Variants in RBM22 observed in about 807,000 individuals in gnomAD.
The protein encoded by RBM22 is pre-mRNA-splicing factor RBM22.
A neutral mutation model predicts 50.1 loss-of-function variants in RBM22; 1 was observed. The ratio of observed to expected loss-of-function variants is 0.02; its 90% CI spans 0.01 to 0.09. The LOEUF (loss-of-function observed/expected upper bound fraction) is 0.09. Ranked by LOEUF, RBM22 falls within the 10% of genes least tolerant of loss-of-function variation. The pLI is 1.00. For missense variants in RBM22, 264 were observed against 529.3 expected (o/e 0.50, Z 4.92); for synonymous variants, 152 against 179.0 (o/e 0.85, Z 1.20).
intron 7 of RBM22, 159 bp from the exon 8 acceptor site, chr5:150,694,399 A>G: frequency 1.7e-6 from 2 of 1,157,824 alleles, no homozygotes; most frequent in South Asian, 4.1e-5. Context: ...ATCTTGTCCT[A>G]CTGTGGGTGC....
In RBM22 at chr5:150,693,433, A is replaced by G. The variant is rs894009646; in HGVS notation, c.912-126T>C. 2.1e-5 allele frequency: 15 copies of G among 722,892 alleles called. No homozygotes were observed. The African/African-American group carries it at 2.6e-4, about 13-fold the overall frequency. The allele number at this position is 722,892 out of a possible 1,614,324, so 44.8% of individuals were successfully genotyped here. ...CCTCCTCAGCACACACTCTTTTCCCATAAATGCCACTGTGCACAGTGAACA... is the reference window on the plus strand; with the variant it reads ...CCTCCTCAGCACACACTCTTTTCCCGTAAATGCCACTGTGCACAGTGAACA... On this transcript the variant is annotated intron_variant, in intron 8 of 10. Coordinates refer to ENST00000199814, the MANE Select transcript of RBM22 (RefSeq NM_018047.3).
At position 150,696,760 on chromosome 5, in the gene RBM22, T is replaced by C; in HGVS notation, c.372+31A>G. 1.2e-6 allele frequency: 2 copies of C among 1,613,662 alleles called. No homozygotes were observed. Among genetic ancestry groups the C allele is most frequent in the Non-Finnish European group, 1.7e-6 (2 of 1,179,580 alleles). On this transcript the variant is annotated intron_variant, in intron 5 of 10. Coordinates refer to ENST00000199814, the MANE Select transcript of RBM22 (RefSeq NM_018047.3). This position sits in a 1 kb window ranked among gnomAD's most constrained non-coding sequence, Gnocchi z 4.3. ...AATTATACAGACTGTGTCAATTCAT[T>C]AGGATTTTTATCCAAAAAGTGGCAG...
chr5:150,698,480 T>C lies in RBM22; in HGVS notation c.271+19A>G, dbSNP rs768593144. On this transcript the variant is annotated intron_variant, in intron 4 of 10. Transcript: ENST00000199814. The stretch of plus-strand genomic sequence containing the variant: ...AGGCACCTGCACACTTTCAGATTTA[T>C]TGGACAGGTCAAACATACCATACTC... 1.1e-5 allele frequency: 17 copies of C among 1,612,068 alleles called. No homozygotes were observed. Among genetic ancestry groups the C allele is most frequent in the East Asian group, 2.2e-5 (1 of 44,856 alleles).
At chr5:150,699,154 G>T in intron 3 of RBM22, 88 bp downstream of exon 3, 1 of 1,497,918 alleles carries the variant, frequency 6.7e-7, no homozygotes, top group South Asian at 1.3e-5. Flanking sequence ...TTTACTGGAA[G>T]ACCTCAAAAC....
chr5:150,698,637 A>G lies in RBM22; in HGVS notation c.139-6T>C. 3 of 1,613,826 alleles carry G rather than the reference A, an allele frequency of 1.9e-6. No homozygotes were observed. Among genetic ancestry groups the G allele is most frequent in the Non-Finnish European group, 2.5e-6 (3 of 1,179,994 alleles). On this transcript the variant is annotated splice_polypyrimidine_tract_variant and splice_region_variant and intron_variant, in intron 3 of 10. Transcript: ENST00000199814. ...GTGAATGGCCTGGCACAGATCTGGA[A>G]CACAAAGCAAGAGCCATAGAATGTC...
intron 1 of RBM22, 132 bp downstream of exon 1, chr5:150,700,800 C>G: frequency 1.3e-6 from 2 of 1,585,684 alleles, no homozygotes; most frequent in Non-Finnish European, 1.7e-6. Context: ...CCCTCCTGCT[C>G]CGGCCAAGCT....
At chr5:150,697,120 G>A (rs1304858315) in intron 4 of RBM22, among the ~76,000 whole-genome samples, 1 of 152,154 alleles carries the variant, frequency 6.6e-6, no homozygotes, top group East Asian at 1.9e-4. Flanking sequence ...TGAAATTAAT[G>A]CTTTAGAAAA....
chr5:150,698,022 A>G (rs1230246481), intron 4 of RBM22, among the ~76,000 whole-genome samples: 1 of 152,170 alleles, frequency 6.6e-6, no homozygotes, highest in African/African-American at 2.4e-5. Flanking sequence ...ACCAGGAGGC[A>G]GAGGCAAGAG....
In RBM22 at chr5:150,701,024, G is replaced by A. The variant is rs1759343921; in HGVS notation, c.-39C>T. ...GGAGGTAGCTGTAGCTTCCGAATTG[G>A]GAGAGAGGACCGCCACAATCCCGTC... On this transcript the variant is annotated 5_prime_UTR_variant, in exon 1 of 11. Coordinates refer to ENST00000199814, the MANE Select transcript of RBM22 (RefSeq NM_018047.3). 5.6e-6 allele frequency: 9 copies of A among 1,612,466 alleles called. No homozygotes were observed. The highest frequency in any genetic ancestry group is 6.8e-6 in the Non-Finnish European group (8 of 1,178,964).
chr5:150,700,689 C>T (rs1408208403), intron 1 of RBM22, 192 bp from the exon 2 acceptor site: 1 of 1,527,638 alleles, frequency 6.5e-7, no homozygotes. Context: ...GAAAAGAAAA[C>T]CAGCTCTAAT....
At chr5:150,700,687 A>T (rs1215066866) in intron 1 of RBM22, 190 bp from the exon 2 acceptor site, 2 of 1,527,254 alleles carry the variant, frequency 1.3e-6, no homozygotes, top group Admixed American at 2.0e-5. Flanking sequence ...GAGAAAAGAA[A>T]ACCAGCTCTA....
At chr5:150,695,351 C>G in intron 7 of RBM22, 155 bp downstream of exon 7, 2 of 686,932 alleles carry the variant, frequency 2.9e-6, no homozygotes, top group Non-Finnish European at 4.8e-6. Context: ...CCATAAAGGA[C>G]AATTTTACAA....
At chr5:150,693,824 T>C (rs1377833880) in intron 8 of RBM22, among the ~76,000 whole-genome samples, 1 of 152,238 alleles carries the variant, frequency 6.6e-6, no homozygotes, top group Non-Finnish European at 1.5e-5. Flanking sequence ...ACTTGGCCTA[T>C]AATAGCTAGT....
Position 150,696,682 on chromosome 5 carries a change from C to T in RBM22, c.396G>A (p.Arg132=). The change falls in exon 6 of 11, where the codon CGG becomes CGA. Residue 132 remains arginine (R), a synonymous_variant. Transcript: ENST00000199814. The surrounding 1 kb of genome is among the most constrained non-coding windows in gnomAD (Gnocchi z 4.3). ...EREISNSDGT[R]PVGMLGKATS... ...TGGCTTTCCCCAGCATGCCAACTGG[C>T]CGTGTTCCATCAGAGTTAGAAATCT... is the stretch of plus-strand genomic sequence containing the variant. The T allele has an allele frequency of 6.2e-7, 1 of 1,614,136 alleles. No individual in the cohort carries two copies. The highest frequency in any genetic ancestry group is 8.5e-7 in the Non-Finnish European group (1 of 1,180,022).
chr5:150,698,126 A>C (rs1291755658), intron 4 of RBM22, among the ~76,000 whole-genome samples: 1 of 152,162 alleles, frequency 6.6e-6, no homozygotes, highest in Non-Finnish European at 1.5e-5. Context: ...TAACTCAAAA[A>C]ATAAAATAAA....
intron 4 of RBM22, chr5:150,697,776 C>A: frequency 6.3e-6 from 2 of 317,356 alleles, no homozygotes; most frequent in Non-Finnish European, 1.2e-5. Flanking sequence ...AATTATCTTT[C>A]TGAAAAACAG....
At chr5:150,698,427 G>T in intron 4 of RBM22, 72 bp downstream of exon 4, 1 of 1,544,382 alleles carries the variant, frequency 6.5e-7, no homozygotes, top group South Asian at 1.2e-5. Flanking sequence ...GGTGCGAAGT[G>T]GGAGACAAAA....
rs1046281828 is a variant in RBM22 at position 150,700,831 on chromosome 5, C to T, written c.54+101G>A. 18 of 1,609,838 alleles carry T rather than the reference C, an allele frequency of 1.1e-5. No individual in the cohort carries two copies. The Middle Eastern group carries it at 8.2e-4, about 74-fold the overall frequency. On this transcript the variant is annotated intron_variant, in intron 1 of 10. Transcript: ENST00000199814. ...AAGCTAGGCCGCCGCGCTGGCTCCT[C>T]CCCGGTATTCCTTCGGCCGCGCCGC...
In RBM22 at chr5:150,691,890, ACG is replaced by A; in HGVS notation, c.1133-11_1133-10del. 1 of 1,559,552 alleles carries A rather than the reference ACG, an allele frequency of 6.4e-7. No individual in the cohort carries two copies. The highest frequency in any genetic ancestry group is 1.4e-5 in the African/African-American group (1 of 73,228). On this transcript the variant is annotated splice_polypyrimidine_tract_variant and intron_variant, in intron 10 of 10. Coordinates refer to ENST00000199814, the MANE Select transcript of RBM22 (RefSeq NM_018047.3). Reference sequence around the variant, plus strand: ...CATGTGTGGCCCAAAACCTGCAGATACGAGAGAACAAATGTGTTAGGCTGGTA... The same window carrying A: ...CATGTGTGGCCCAAAACCTGCAGATAAGAGAACAAATGTGTTAGGCTGGTA...
Sources: gnomAD v4.1 joint callset for allele counts (sites outside exome capture counted in the v4.1 genomes callset) on GRCh38, gnomAD v4.1.1 for gene constraint, Gnocchi (gnomAD v3.1) non-coding constraint, MANE v1.5 for transcripts, NCBI Gene and HGNC (gene_info 2026-07-23, HGNC 2026-07-21) for gene names.